Variants in DGKI observed in about 807,000 individuals in gnomAD.
DGKI encodes the protein diacylglycerol kinase iota.
Under a neutral mutation model 147.5 loss-of-function variants are expected in DGKI, and 55 were observed. That is an observed-to-expected ratio of 0.37 (90% CI 0.30 to 0.47). The LOEUF (loss-of-function observed/expected upper bound fraction) is 0.47. Among genes scored for constraint, DGKI ranks in the 20% least tolerant of loss-of-function variants. DGKI has a pLI of 1.00. For synonymous variants in DGKI, 469 were observed against 477.1 expected (o/e 0.98, Z 0.22); for missense variants, 1,007 against 1,323.8 (o/e 0.76, Z 3.71).
chr7:137,692,812 A>G (rs962500343), intron 1 of DGKI, among the ~76,000 whole-genome samples: 1 of 152,210 alleles, frequency 6.6e-6, no homozygotes, highest in Admixed American at 6.5e-5. Flanking sequence ...CTCTTTGTGG[A>G]TACAAATTTA....
rs1823554561 is a variant in DGKI at position 137,690,090 on chromosome 7, A to C, written c.402-88T>G. ...AGCTCAAAATTTCCCATGGGGTAGA[A>C]ACAATGCCTGAGTTAGCCTCTTCCA... On this transcript the variant is annotated intron_variant, in intron 1 of 32. Transcript: ENST00000614521. 3.3e-6 allele frequency: 3 copies of C among 903,864 alleles called. No individual in the cohort carries two copies. In the African/African-American group the frequency reaches 5.1e-5, roughly 15 times the overall value. The allele number at this position is 903,864 out of a possible 1,614,324, so 56.0% of individuals were successfully genotyped here.
chr7:137,796,086 C>A (rs1797016445), intron 1 of DGKI, among the ~76,000 whole-genome samples: 2 of 151,978 alleles, frequency 1.3e-5, no homozygotes, highest in African/African-American at 2.4e-5. Context: ...TCAACAACAA[C>A]AAAAAATAAG....
intron 11 of DGKI, 111 bp downstream of exon 11, chr7:137,599,712 G>C: frequency 1.1e-6 from 1 of 898,010 alleles, no homozygotes; most frequent in South Asian, 1.6e-5. Context: ...CAGGTGAGAA[G>C]GTAGATGACA....
At chr7:137,514,983 C>A (rs1816702778) in intron 21 of DGKI, among the ~76,000 whole-genome samples, 1 of 152,166 alleles carries the variant, frequency 6.6e-6, no homozygotes, top group Admixed American at 6.6e-5. Context: ...GGCCTATAAG[C>A]CCCCTCCATG....
intron 3 of DGKI, among the ~76,000 whole-genome samples, chr7:137,660,541 C>G (rs749816247): frequency 1.5e-4 from 23 of 152,148 alleles, no homozygotes; most frequent in Admixed American, 4.6e-4. Context: ...ACCACTGGAG[C>G]AGGGAATGGG....
intron 21 of DGKI, among the ~76,000 whole-genome samples, chr7:137,497,161 C>T (rs1439062191): frequency 2.0e-5 from 3 of 148,272 alleles, no homozygotes; most frequent in Non-Finnish European, 3.0e-5. Context: ...CAAAAGAAGA[C>T]ATATATCCGG....
intron 19 of DGKI, among the ~76,000 whole-genome samples, chr7:137,567,581 A>G (rs531673586): frequency 6.6e-6 from 1 of 152,236 alleles, no homozygotes; most frequent in South Asian, 2.1e-4. Flanking sequence ...CAATAAATAA[A>G]TGAGGAAGAG....
intron 21 of DGKI, among the ~76,000 whole-genome samples, chr7:137,516,599 T>C (rs929365011): frequency 4.0e-4 from 60 of 151,022 alleles, no homozygotes; most frequent in African/African-American, 1.4e-3. Flanking sequence ...AATTCTGTTG[T>C]TTTTTTTTCT....
chr7:137,583,583 T>C (rs2128982125), intron 14 of DGKI, among the ~76,000 whole-genome samples: 1 of 152,296 alleles, frequency 6.6e-6, no homozygotes, highest in South Asian at 2.1e-4. Flanking sequence ...TACATCTCTT[T>C]AAAAACCCAT....
intron 1 of DGKI, among the ~76,000 whole-genome samples, chr7:137,757,021 T>C (rs1428583957): frequency 1.3e-5 from 2 of 152,252 alleles, no homozygotes; most frequent in African/African-American, 4.8e-5. Context: ...TTTTTGTATT[T>C]GTTTCTTCTC....
In DGKI at chr7:137,585,181, C is replaced by T. The variant is rs370885198; in HGVS notation, c.1563+28G>A. The T allele has an allele frequency of 1.9e-6, 3 of 1,613,374 alleles. No individual in the cohort carries two copies. The African/African-American group carries it at 4.0e-5, about 22-fold the overall frequency. On this transcript the variant is annotated intron_variant, in intron 14 of 32. Coordinates refer to ENST00000614521, the MANE Select transcript of DGKI (RefSeq NM_001321708.2). ...AGCTCAGGCAGATGCTCCAGGGCTC[C>T]TTTCTGCAGAACAAAAAACTCTCTA... is the stretch of plus-strand genomic sequence containing the variant.
At chr7:137,770,465 C>A (rs1796155323) in intron 1 of DGKI, among the ~76,000 whole-genome samples, 1 of 151,272 alleles carries the variant, frequency 6.6e-6, no homozygotes, top group African/African-American at 2.4e-5. Flanking sequence ...ACACATATCC[C>A]AAAACTTATA....
At chr7:137,618,715 CTA>C (rs1563114994) in intron 8 of DGKI, among the ~76,000 whole-genome samples, 1 of 151,952 alleles carries the variant, frequency 6.6e-6, no homozygotes, top group South Asian at 2.1e-4. Flanking sequence ...AATAGTAATA[CTA>C]TATATAATTT....
chr7:137,677,393 A>G (rs546582385), intron 3 of DGKI, among the ~76,000 whole-genome samples: 2 of 152,204 alleles, frequency 1.3e-5, no homozygotes, highest in Admixed American at 6.5e-5. Flanking sequence ...CCGACTTCCA[A>G]TCCAGAGCCT....
intron 1 of DGKI, among the ~76,000 whole-genome samples, chr7:137,764,800 C>T (rs1384488544): frequency 6.6e-6 from 1 of 152,202 alleles, no homozygotes. Flanking sequence ...ATGCCTTACC[C>T]TGAGCTATGA....
At chr7:137,427,405 G>A (rs1447625418) in intron 28 of DGKI, among the ~76,000 whole-genome samples, 2 of 152,150 alleles carry the variant, frequency 1.3e-5, no homozygotes, top group Non-Finnish European at 2.9e-5. Flanking sequence ...AAAGCAGTGT[G>A]TAGAGGGACA....
Position 137,382,872 on chromosome 7 carries a change from A to T in DGKI, c.*8348T>A, listed in dbSNP as rs1215740217. The T allele has an allele frequency of 6.6e-6, 1 of 152,026 alleles. No homozygotes were observed. The highest frequency in any genetic ancestry group is 1.5e-5 in the Non-Finnish European group (1 of 67,958). 9.4% of individuals were successfully genotyped at this position (152,026 alleles called of 1,614,324 possible). Reference sequence around the variant, plus strand: ...CTTCCTCCCTCACCCAGTCAACCTGAAATCTAGGAACTCAAGCTGTATTAC... The same window carrying T: ...CTTCCTCCCTCACCCAGTCAACCTGTAATCTAGGAACTCAAGCTGTATTAC... On this transcript the variant is annotated 3_prime_UTR_variant, in exon 33 of 33. Transcript: ENST00000614521.
chr7:137,408,638 G>A (rs1431479990), intron 29 of DGKI, among the ~76,000 whole-genome samples: 1 of 152,018 alleles, frequency 6.6e-6, no homozygotes, highest in African/African-American at 2.4e-5. Context: ...ATACCTAATA[G>A]GCTAGAGATA....
At chr7:137,774,231 AG>A (rs1167378192) in intron 1 of DGKI, among the ~76,000 whole-genome samples, 1 of 152,220 alleles carries the variant, frequency 6.6e-6, no homozygotes, top group African/African-American at 2.4e-5. Flanking sequence ...CAACATGAAA[AG>A]GTACATTACA....
Sources: gnomAD v4.1 joint callset for allele counts (sites outside exome capture counted in the v4.1 genomes callset) on GRCh38, gnomAD v4.1.1 for gene constraint, MANE v1.5 for transcripts, NCBI Gene and HGNC (gene_info 2026-07-23, HGNC 2026-07-21) for gene names.